BRAT1: variants seen among roughly 807,000 people sequenced by gnomAD.
BRAT1 encodes BRCA1 associated ATM activator 1, also known as integrator complex assembly factor BRAT1.
In BRAT1, 74 loss-of-function variants were observed where a neutral mutation model predicts 70.6. The ratio of observed to expected loss-of-function variants is 1.05; its 90% CI spans 0.87 to 1.27. The LOEUF (loss-of-function observed/expected upper bound fraction) is 1.27, where lower values mean the gene tolerates loss of function less well. Among genes scored for constraint, BRAT1 ranks in the 50% most tolerant of loss-of-function variants. The pLI, the probability that BRAT1 is intolerant of heterozygous loss-of-function variation, is 0.00. For synonymous variants in BRAT1, 615 were observed against 517.1 expected, an observed-to-expected ratio of 1.19 and a Z score of -2.57; for missense variants, 1,203 against 1,098.2, an observed-to-expected ratio of 1.10 and a Z score of -1.35.
intron 2 of BRAT1, among the ~76,000 whole-genome samples, chr7:2,548,537 A>C (rs1048047607): frequency 1.3e-5 from 2 of 151,650 alleles, no homozygotes; most frequent in Non-Finnish European, 2.9e-5. Context: ...ATGGTGGCAC[A>C]CATCTGCAGT....
intron 2 of BRAT1, among the ~76,000 whole-genome samples, chr7:2,553,148 C>T (rs1428623482): frequency 6.6e-6 from 1 of 152,152 alleles, no homozygotes; most frequent in Non-Finnish European, 1.5e-5. Context: ...TCCTCCCCCT[C>T]AGTCTCCCAA....
chr7:2,550,931 C>T lies in BRAT1; in HGVS notation c.127+3374G>A, dbSNP rs116384860. Among the ~76,000 whole-genome samples, 1,243 of 152,184 alleles carry T rather than the reference C, an allele frequency of 8.2e-3. 22 individuals carry two copies. The highest frequency in any genetic ancestry group is 0.028 in the African/African-American group (1,179 of 41,516). On this transcript the variant is annotated intron_variant, in intron 2 of 13. Coordinates refer to ENST00000340611, the MANE Select transcript of BRAT1 (RefSeq NM_152743.4). The stretch of plus-strand genomic sequence containing the variant: ...TCCATGGTGCCACATCTCACACATG[C>T]GCCTGAACACTCAATTATCATGCTT...
Position 2,545,052 on chromosome 7 carries a change from C to A in BRAT1, c.287G>T (p.Gly96Val), listed in dbSNP as rs1434799015. The A allele has an allele frequency of 2.0e-6, 3 of 1,492,100 alleles. No individual in the cohort carries two copies. The highest frequency in any genetic ancestry group is 4.9e-5 in the Admixed American group (2 of 40,780). 92.4% of individuals were successfully genotyped at this position (1,492,100 alleles called of 1,614,324 possible). Residue 96 changes from glycine to valine, a missense_variant, in exon 4 of 14, where the codon GGG (glycine) becomes GTG (valine). Coordinates refer to ENST00000340611, the MANE Select transcript of BRAT1 (RefSeq NM_152743.4). ...CCCAAAGAGCCCTGGTAGTAACTCC[C>A]CCTGCTGGGAAGCAAAAAAAGAAGT... is the stretch of plus-strand genomic sequence containing the variant. ...QENCFQYLQQGELLPGLFGEP... is the reference protein window; with the variant it reads ...QENCFQYLQQVELLPGLFGEP...
intron 2 of BRAT1, among the ~76,000 whole-genome samples, chr7:2,548,108 A>C (rs1267841598): frequency 6.6e-6 from 1 of 151,622 alleles, no homozygotes; most frequent in Non-Finnish European, 1.5e-5. Flanking sequence ...AAAAAAAAAA[A>C]AAAAAGTGGA....
At position 2,543,992 on chromosome 7, in the gene BRAT1, A is replaced by G. The variant is rs1779395885; in HGVS notation, c.431-30T>C. 4 of 1,513,890 alleles carry G rather than the reference A, an allele frequency of 2.6e-6. No homozygotes were observed. Among genetic ancestry groups the G allele is most frequent in the Non-Finnish European group, 2.7e-6 (3 of 1,123,198 alleles). The allele number at this position is 1,513,890 out of a possible 1,614,324, so 93.8% of individuals were successfully genotyped here. A position where few individuals can be genotyped will look rare whatever the true frequency, so the allele number is the denominator to read the frequency against. ...GTAGGGGATGGGGGAAGAGAGGGAAAAGGGGGTGAGCCAGAATAGAGCTGG... is the reference window on the plus strand; with the variant it reads ...GTAGGGGATGGGGGAAGAGAGGGAAGAGGGGGTGAGCCAGAATAGAGCTGG... On this transcript the variant is annotated intron_variant, in intron 4 of 13. Coordinates refer to ENST00000340611, the MANE Select transcript of BRAT1 (RefSeq NM_152743.4). This position sits in a 1 kb window ranked among gnomAD's most constrained non-coding sequence, Gnocchi z 5.5.
rs1245149759 is a variant in BRAT1, at chr7:2,541,743, G to A, written c.1109C>T (p.Ala370Val). ...SCAGLLCRTL[A>V]HLEELQPLPQ... ...CAGCGGCTGCAGCTCCTCCAGGTGAGCCAGGGTGCGGCACAGGAGGCCGGC... is the reference window on the plus strand; with the variant it reads ...CAGCGGCTGCAGCTCCTCCAGGTGAACCAGGGTGCGGCACAGGAGGCCGGC... The change falls in exon 8 of 14, where the codon GCT becomes GTT. Residue 370 changes from alanine to valine, a missense_variant. Ala to Val is a moderately conservative substitution (Grantham distance 64, BLOSUM62 0). Transcript: ENST00000340611. 6.2e-7 allele frequency: 1 copy of A among 1,610,654 alleles called. No homozygotes were observed. The highest frequency in any genetic ancestry group is 1.7e-5 in the Admixed American group (1 of 59,774).
chr7:2,543,489 G>T lies in BRAT1; in HGVS notation c.803+101C>A. 1 of 1,482,704 alleles carries T rather than the reference G, an allele frequency of 6.7e-7. No homozygotes were observed. The highest frequency in any genetic ancestry group is 1.4e-5 in the South Asian group (1 of 72,282). 91.8% of individuals were successfully genotyped at this position (1,482,704 alleles called of 1,614,324 possible). ...CCGGTGCCGCTTCACTGCAGGCCAT[G>T]TCCTCAGAGAGTCTCCGGCTGCCAG... On this transcript the variant is annotated intron_variant, in intron 5 of 13. Coordinates refer to ENST00000340611, the MANE Select transcript of BRAT1 (RefSeq NM_152743.4). The surrounding 1 kb of genome is among the most constrained non-coding windows in gnomAD (Gnocchi z 5.5).
Position 2,540,304 on chromosome 7 carries a change from T to C in BRAT1, c.1396-416A>G, listed in dbSNP as rs193086605. 1.1e-3 allele frequency: 185 copies of C among 166,896 alleles called. 1 individual carries two copies. The highest frequency in any genetic ancestry group is 2.7e-3 in the Middle Eastern group (1 of 374). 10.3% of individuals were successfully genotyped at this position (166,896 alleles called of 1,614,324 possible). On this transcript the variant is annotated intron_variant, in intron 10 of 13. Coordinates refer to ENST00000340611, the MANE Select transcript of BRAT1 (RefSeq NM_152743.4). Reference sequence around the variant, plus strand: ...CTGGCCTCAAAAGTCCTGGGCTCCATTGATCCCCCCACCTCGGCCCCCCAA... The same window carrying C: ...CTGGCCTCAAAAGTCCTGGGCTCCACTGATCCCCCCACCTCGGCCCCCCAA...
rs77611174 is a variant in BRAT1 at position 2,541,647 on chromosome 7, G to C, written c.1134+71C>G. On this transcript the variant is annotated intron_variant, in intron 8 of 13. Coordinates refer to ENST00000340611, the MANE Select transcript of BRAT1 (RefSeq NM_152743.4). Reference sequence around the variant, plus strand: ...GCTGGGGCAGCAAGGGGTGGGGGGCGTCAGCCTACGTTGCGGTCCCACCGC... The same window carrying C: ...GCTGGGGCAGCAAGGGGTGGGGGGCCTCAGCCTACGTTGCGGTCCCACCGC... The C allele has an allele frequency of 8.7e-6, 13 of 1,500,068 alleles. No individual in the cohort carries two copies. In the East Asian group the frequency reaches 2.9e-4, roughly 33 times the overall value. The allele number at this position is 1,500,068 out of a possible 1,614,324, so 92.9% of individuals were successfully genotyped here.
intron 2 of BRAT1, among the ~76,000 whole-genome samples, chr7:2,549,652 G>C (rs1338791420): frequency 6.6e-6 from 1 of 152,106 alleles, no homozygotes; most frequent in Non-Finnish European, 1.5e-5. Flanking sequence ...ACAAATTAAA[G>C]AGATCAAACT....
At chr7:2,547,662 G>T (rs923380963) in intron 2 of BRAT1, among the ~76,000 whole-genome samples, 184 bp from the exon 3 acceptor site, 1 of 152,202 alleles carries the variant, frequency 6.6e-6, no homozygotes, top group African/African-American at 2.4e-5. Flanking sequence ...ATTCAGTAAG[G>T]GCTAGAAAGC....
At chr7:2,540,885 C>T in intron 10 of BRAT1, 94 bp downstream of exon 10, 2 of 1,267,706 alleles carry the variant, frequency 1.6e-6, no homozygotes, top group Non-Finnish European at 2.1e-6. Context: ...AAGGCCCCAT[C>T]CGCAGAGGCC....
At chr7:2,542,503 G>A (rs1257754019) in intron 6 of BRAT1, 1 of 222,110 alleles carries the variant, frequency 4.5e-6, no homozygotes, top group Non-Finnish European at 7.9e-6. Flanking sequence ...CCGCTCAGGG[G>A]GACAGGGATG....
Position 2,541,023 on chromosome 7 carries a change from C to A in BRAT1, c.1351G>T (p.Ala451Ser), listed in dbSNP as rs138276986. Residue 451 changes from alanine (A) to serine (S), a missense_variant, in exon 10 of 14, where the codon GCT becomes TCT. By Grantham distance (99) the Ala-to-Ser change is moderately conservative. Coordinates refer to ENST00000340611, the MANE Select transcript of BRAT1 (RefSeq NM_152743.4). ...GPQELVTQAL[A>S]VLLECLESPG... is the part of the protein sequence containing the mutation. ...CTCTCGAGGCACTCCAGGAGGACAG[C>A]AAGCGCCTGCGTCACCAGCTCCTGG... The A allele has an allele frequency of 3.0e-5, 47 of 1,567,064 alleles. No individual in the cohort carries two copies. Among genetic ancestry groups the A allele is most frequent in the Admixed American group, 8.7e-5 (4 of 45,906 alleles).
chr7:2,541,997 G>C, intron 7 of BRAT1, 123 bp downstream of exon 7: 1 of 1,206,750 alleles, frequency 8.3e-7, no homozygotes, highest in Non-Finnish European at 1.2e-6. Context: ...TTTGCTCTTG[G>C]AGGGAGGCCT....
Position 2,537,829 on chromosome 7 carries a change from TATTAA to T in BRAT1, c.*235_*239del, listed in dbSNP as rs1408078404. The stretch of plus-strand genomic sequence containing the variant: ...CTGGACCCTTGTCTCAGATCATTAT[TATTAA>T]ATTAACTCAAAAAGGGTTAAAGAAA... On this transcript the variant is annotated 3_prime_UTR_variant, in exon 14 of 14. Coordinates refer to ENST00000340611, the MANE Select transcript of BRAT1 (RefSeq NM_152743.4). The T allele has an allele frequency of 5.4e-6, 3 of 555,316 alleles. No individual in the cohort carries two copies. The highest frequency in any genetic ancestry group is 5.8e-5 in the South Asian group (1 of 17,268). 34.4% of individuals were successfully genotyped at this position (555,316 alleles called of 1,614,324 possible).
intron 2 of BRAT1, 150 bp downstream of exon 2, chr7:2,554,155 A>G (rs529492900): frequency 1.2e-5 from 13 of 1,124,736 alleles, no homozygotes; most frequent in Non-Finnish European, 1.6e-5. Context: ...TCTGCCACAG[A>G]TAATCCTTAG....
intron 2 of BRAT1, among the ~76,000 whole-genome samples, 166 bp from the exon 3 acceptor site, chr7:2,547,644 TA>T (rs1779713885): frequency 6.6e-6 from 1 of 152,236 alleles, no homozygotes; most frequent in African/African-American, 2.4e-5. Flanking sequence ...AAATGACTCA[TA>T]ATTTTAATTC....
chr7:2,541,591 G>A, intron 8 of BRAT1, 107 bp from the exon 9 acceptor site: 1 of 1,457,808 alleles, frequency 6.9e-7, no homozygotes, highest in African/African-American at 1.4e-5. Flanking sequence ...AGCCAAGGTT[G>A]TGGTCCCACT....
Sources: gnomAD v4.1 joint callset for allele counts (sites outside exome capture counted in the v4.1 genomes callset) on GRCh38, gnomAD v4.1.1 for gene constraint, Gnocchi (gnomAD v3.1) non-coding constraint, MANE v1.5 for transcripts, NCBI Gene and HGNC (gene_info 2026-07-23, HGNC 2026-07-21) for gene names.